Variants in CAMKK2 observed in about 807,000 individuals in gnomAD.
CAMKK2 encodes the protein calcium/calmodulin dependent protein kinase kinase 2.
Under a neutral mutation model 67.2 loss-of-function variants are expected in CAMKK2, and 30 were observed. That is an observed-to-expected ratio of 0.45 (90% CI 0.33 to 0.61). The LOEUF (loss-of-function observed/expected upper bound fraction) is 0.61. CAMKK2 is among the 20% of genes least tolerant of loss of function. The pLI is 0.02. For synonymous variants in CAMKK2, 322 were observed against 326.2 expected, an observed-to-expected ratio of 0.99 and a Z score of 0.14; for missense variants, 643 against 802.0, an observed-to-expected ratio of 0.80 and a Z score of 2.39.
At chr12:121,292,713 A>G (rs1234214888) in intron 1 of CAMKK2, among the ~76,000 whole-genome samples, 1 of 152,200 alleles carries the variant, frequency 6.6e-6, no homozygotes, top group East Asian at 1.9e-4. Context: ...CTATAATCCA[A>G]TCCCAGCACT....
At chr12:121,280,001 C>G (rs560933381) in intron 1 of CAMKK2, among the ~76,000 whole-genome samples, 3 of 152,224 alleles carry the variant, frequency 2.0e-5, no homozygotes, top group African/African-American at 7.2e-5. Context: ...CAGGCTCCCC[C>G]GAGGTTGCCT....
intron 6 of CAMKK2, among the ~76,000 whole-genome samples, chr12:121,262,718 C>T (rs1394707527): frequency 2.6e-5 from 4 of 151,894 alleles, no homozygotes; most frequent in Non-Finnish European, 2.9e-5. Context: ...ACCACCATAC[C>T]GGGCTAATTT....
At chr12:121,293,550 C>T (rs2136675585) in intron 1 of CAMKK2, among the ~76,000 whole-genome samples, 1 of 152,068 alleles carries the variant, frequency 6.6e-6, no homozygotes, top group African/African-American at 2.4e-5. Flanking sequence ...AAATTTGAGC[C>T]AAAATGCCTT....
intron 14 of CAMKK2, among the ~76,000 whole-genome samples, chr12:121,247,120 T>C (rs547492309): frequency 1.3e-5 from 2 of 150,944 alleles, no homozygotes; most frequent in East Asian, 3.9e-4. Context: ...ACCCAGTGTG[T>C]TAGCCCGTCC....
intron 7 of CAMKK2, among the ~76,000 whole-genome samples, chr12:121,258,024 T>G (rs1267798463): frequency 8.3e-5 from 3 of 36,026 alleles, no homozygotes; most frequent in African/African-American, 7.9e-4. Context: ...GTTTTCTACT[T>G]TTTTTTTTTT....
chr12:121,240,423 A>G lies in CAMKK2; in HGVS notation c.*276T>C. ...GATTTTTGGCATAAAAACGTTTTAA[A>G]AAGCAATTGTCCCAAAATGCACGTG... On this transcript the variant is annotated 3_prime_UTR_variant, in exon 17 of 17. Coordinates refer to ENST00000404169, the MANE Select transcript of CAMKK2 (RefSeq NM_001270485.2). The surrounding 1 kb of genome is among the most constrained non-coding windows in gnomAD (Gnocchi z 4.4). 6.6e-7 allele frequency: 1 copy of G among 1,517,662 alleles called. No individual in the cohort carries two copies. 94.0% of individuals were successfully genotyped at this position (1,517,662 alleles called of 1,614,324 possible).
chr12:121,271,494 C>T (rs555893467), intron 2 of CAMKK2, among the ~76,000 whole-genome samples: 1 of 131,324 alleles, frequency 7.6e-6, no homozygotes, highest in East Asian at 1.9e-4. Flanking sequence ...TCTTGTAAAA[C>T]CCATTTTTTA....
intron 1 of CAMKK2, among the ~76,000 whole-genome samples, chr12:121,277,934 T>C (rs1265556852): frequency 2.0e-5 from 3 of 152,134 alleles, no homozygotes; most frequent in African/African-American, 7.2e-5. Flanking sequence ...GCCACTGCAC[T>C]CCAGCCTGGG....
At chr12:121,286,758 CAGAG>C (rs1467097304) in intron 1 of CAMKK2, among the ~76,000 whole-genome samples, 1 of 152,158 alleles carries the variant, frequency 6.6e-6, no homozygotes, top group African/African-American at 2.4e-5. Flanking sequence ...AACTGAGGCA[CAGAG>C]AGCCTGGCTG....
At position 121,253,677 on chromosome 12, in the gene CAMKK2, G is replaced by A. The variant is rs1420482443; in HGVS notation, c.908-205C>T. Among the ~76,000 whole-genome samples the A allele has an allele frequency of 2.0e-5, 3 of 152,096 alleles. No individual in the cohort carries two copies. Among genetic ancestry groups the A allele is most frequent in the Non-Finnish European group, 2.9e-5 (2 of 68,020 alleles). On this transcript the variant is annotated intron_variant, in intron 9 of 16. Coordinates refer to ENST00000404169, the MANE Select transcript of CAMKK2 (RefSeq NM_001270485.2). This position sits in a 1 kb window ranked among gnomAD's most constrained non-coding sequence, Gnocchi z 5.0. ...AGATGAGGGGAAAAGTGTCTTCAAG[G>A]AAGTCCCAGCCCACCATCACCCCAC... is the stretch of plus-strand genomic sequence containing the variant.
chr12:121,277,901 A>G (rs1173397683), intron 1 of CAMKK2, among the ~76,000 whole-genome samples: 2 of 152,252 alleles, frequency 1.3e-5, no homozygotes, highest in East Asian at 1.9e-4. Flanking sequence ...CGGGAGGCAC[A>G]GGTTGCAGTG....
chr12:121,280,017 T>C (rs985931435), intron 1 of CAMKK2, among the ~76,000 whole-genome samples: 6 of 152,256 alleles, frequency 3.9e-5, no homozygotes, highest in South Asian at 2.1e-4. Flanking sequence ...TGCCTCATCC[T>C]GGGCACAACA....
In CAMKK2 at chr12:121,243,617, C is replaced by G. The variant is rs372344574; in HGVS notation, c.1596+956G>C. The G allele has an allele frequency of 3.1e-5, 5 of 159,822 alleles. No homozygotes were observed. The South Asian group carries it at 7.2e-4, about 23-fold the overall frequency. 9.9% of individuals were successfully genotyped at this position (159,822 alleles called of 1,614,324 possible). ...GTATGACGCCATTTATACGAAACGT[C>G]CAGAATAGGCAAATCCATACCTATT... On this transcript the variant is annotated intron_variant, in intron 16 of 16. Transcript: ENST00000404169.
intron 1 of CAMKK2, among the ~76,000 whole-genome samples, chr12:121,280,548 G>A (rs2136516006): frequency 6.6e-6 from 1 of 152,304 alleles, no homozygotes; most frequent in East Asian, 1.9e-4. Context: ...GGGCAGAACA[G>A]AGCCATATTT....
chr12:121,264,855 CA>C (rs1253632728), intron 5 of CAMKK2, among the ~76,000 whole-genome samples: 1 of 151,330 alleles, frequency 6.6e-6, no homozygotes, highest in African/African-American at 2.4e-5. Context: ...CCTGTGGTCC[CA>C]GTTACTCAAG....
At chr12:121,244,455 C>T in intron 16 of CAMKK2, 118 bp downstream of exon 16, 2 of 1,013,640 alleles carry the variant, frequency 2.0e-6, no homozygotes, top group African/African-American at 1.6e-5. Context: ...AGCCGGGCCA[C>T]AGCAGCCCAG....
chr12:121,248,787 G>C (rs1256960928), intron 13 of CAMKK2, 53 bp from the exon 14 acceptor site: 14 of 1,606,330 alleles, frequency 8.7e-6, no homozygotes, highest in Admixed American at 5.0e-5. Context: ...CTACCGGGGG[G>C]CCCTGCCAGC....
At chr12:121,267,131 A>T in intron 5 of CAMKK2, among the ~76,000 whole-genome samples, 1 of 105,170 alleles carries the variant, frequency 9.5e-6, no homozygotes, top group East Asian at 3.1e-4. Flanking sequence ...TTTTTGAGAG[A>T]TGGAGTCTCA....
At chr12:121,248,757 T>C (rs765684087) in intron 13 of CAMKK2, 23 bp from the exon 14 acceptor site, 1 of 1,612,422 alleles carries the variant, frequency 6.2e-7, no homozygotes, top group Admixed American at 1.7e-5. Flanking sequence ...ACAGGAGGGG[T>C]GAGGGGCAGG....
Sources: allele counts gnomAD v4.1 joint callset (sites outside exome capture counted in the v4.1 genomes callset), GRCh38; gene constraint gnomAD v4.1.1; non-coding constraint Gnocchi (gnomAD v3.1); transcripts MANE v1.5; gene names NCBI Gene and HGNC (gene_info 2026-07-23, HGNC 2026-07-21).